The following PLCG2 variants were observed in gnomAD, a reference collection of about 807,000 sequenced individuals.
PLCG2 encodes the protein 1-phosphatidylinositol 4,5-bisphosphate phosphodiesterase gamma-2.
PLCG2 carries 69 observed loss-of-function variants against 175.6 expected under a neutral mutation model. The ratio of observed to expected loss-of-function variants is 0.39; its 90% CI spans 0.32 to 0.48. The LOEUF is 0.48. PLCG2 is among the 20% of genes least tolerant of loss of function. The pLI is 0.91. For missense variants in PLCG2, 1,798 were observed against 1,650.9 expected (o/e 1.09, Z -1.54); for synonymous variants, 827 against 624.0 (o/e 1.33, Z -4.85).
chr16:81,744,421 C>A (rs1019377767), intron 1 of PLCG2, among the ~76,000 whole-genome samples: 8 of 152,272 alleles, frequency 5.3e-5, no homozygotes, highest in South Asian at 2.1e-4. Context: ...CCTTGCCCTC[C>A]CAAAGTGTTG....
At chr16:81,778,525 C>G, upstream of PLCG2, among the ~76,000 whole-genome samples, 1 of 152,168 alleles carries the variant, frequency 6.6e-6, no homozygotes, top group East Asian at 1.9e-4. Context: ...ATGCAACACA[C>G]GAACGGAAAA....
chr16:81,897,548 CTTTT>C (rs10710027), intron 13 of PLCG2, among the ~76,000 whole-genome samples: 1 of 128,678 alleles, frequency 7.8e-6, no homozygotes, highest in Non-Finnish European at 1.6e-5. Context: ...CTTTTCTTTT[CTTTT>C]TTTTTTTTTT....
chr16:81,950,963 G>A (rs372901925), intron 31 of PLCG2, among the ~76,000 whole-genome samples: 2 of 152,232 alleles, frequency 1.3e-5, no homozygotes, highest in East Asian at 3.9e-4. Context: ...AGGATAAAAA[G>A]AATAAAACAT....
intron 2 of PLCG2, among the ~76,000 whole-genome samples, chr16:81,839,971 C>G (rs1323362584): frequency 1.3e-5 from 2 of 152,150 alleles, no homozygotes; most frequent in Non-Finnish European, 2.9e-5. Flanking sequence ...GCAGGAGGGT[C>G]CCTTGAGCCT....
intron 9 of PLCG2, among the ~76,000 whole-genome samples, chr16:81,883,890 G>C (rs1251687472): frequency 6.6e-6 from 1 of 152,200 alleles, no homozygotes; most frequent in Non-Finnish European, 1.5e-5. Context: ...TTGCGCCTTG[G>C]TTTTCCACTG....
At chr16:81,818,571 T>C (rs182657638) in intron 2 of PLCG2, among the ~76,000 whole-genome samples, 1 of 152,260 alleles carries the variant, frequency 6.6e-6, no homozygotes, top group African/African-American at 2.4e-5. Context: ...TCAGGAATTA[T>C]CTGCTTGGTG....
intron 22 of PLCG2, among the ~76,000 whole-genome samples, chr16:81,925,967 G>C (rs922222450): frequency 6.6e-6 from 1 of 152,132 alleles, no homozygotes; most frequent in African/African-American, 2.4e-5. Context: ...TATAAGATGT[G>C]GCTGCTTGGA....
At chr16:81,876,736 T>G (rs983789041) in intron 7 of PLCG2, among the ~76,000 whole-genome samples, 1 of 152,346 alleles carries the variant, frequency 6.6e-6, no homozygotes, top group Middle Eastern at 3.4e-3. Flanking sequence ...GGTCCTGGGA[T>G]GTTGCCCAGA....
chr16:81,923,475 T>C lies in PLCG2; in HGVS notation c.2308-10T>C. On this transcript the variant is annotated splice_polypyrimidine_tract_variant and intron_variant, in intron 21 of 32. Coordinates refer to ENST00000564138, the MANE Select transcript of PLCG2 (RefSeq NM_002661.5). ...TGGCCTGACCTTTTCCTTCTTGTTT[T>C]CCCTGAAAGCCTCAGAGAACCGTGA... 1 of 1,585,960 alleles carries C rather than the reference T, an allele frequency of 6.3e-7. No individual in the cohort carries two copies. Among genetic ancestry groups the C allele is most frequent in the Non-Finnish European group, 8.7e-7 (1 of 1,155,008 alleles).
At chr16:81,773,389 A>G (rs1910325397) in intron 2 of PLCG2, among the ~76,000 whole-genome samples, 1 of 152,198 alleles carries the variant, frequency 6.6e-6, no homozygotes, top group African/African-American at 2.4e-5. Context: ...TCCAGACATG[A>G]GAACGAGGGG....
chr16:81,767,476 C>T (rs969254055), intron 2 of PLCG2: 3 of 152,182 alleles, frequency 2.0e-5, no homozygotes, highest in African/African-American at 7.2e-5. Flanking sequence ...TTTTACTAGG[C>T]TCAGCTTAGG....
chr16:81,880,700 A>C (rs1908035611), intron 7 of PLCG2, among the ~76,000 whole-genome samples: 1 of 152,216 alleles, frequency 6.6e-6, no homozygotes, highest in African/African-American at 2.4e-5. Flanking sequence ...TGGGAATACG[A>C]CTGTGGAGGG....
chr16:81,913,662 A>G (rs1234488004), intron 19 of PLCG2, among the ~76,000 whole-genome samples: 2 of 152,208 alleles, frequency 1.3e-5, no homozygotes, highest in African/African-American at 2.4e-5. Context: ...CTTGTGAAAA[A>G]TGGGAGGCAG....
At chr16:81,903,604 C>T (rs951325116) in intron 14 of PLCG2, among the ~76,000 whole-genome samples, 9 of 152,292 alleles carry the variant, frequency 5.9e-5, no homozygotes, top group South Asian at 2.1e-4. Flanking sequence ...GCAGTTGTTT[C>T]GGAGATGCCA....
At chr16:81,919,812 C>T in intron 20 of PLCG2, 148 bp downstream of exon 20, 2 of 650,592 alleles carry the variant, frequency 3.1e-6, no homozygotes, top group South Asian at 4.0e-5. Context: ...ACAACAAAGA[C>T]CCTGCCGTTG....
rs367677388 is a variant in PLCG2 at position 81,919,577 on chromosome 16, C to T, written c.2148C>T (p.Leu716=). The change falls in exon 20 of 33, where the codon CTC becomes CTT. Residue 716 remains leucine, a synonymous_variant. Transcript: ENST00000564138. ...TSAYFESLVE[L]VSYYEKHSLY... ...CCTATTTTGAGAGTCTGGTGGAGCTCGTCAGTTACTACGAGAAGCATTCAC... is the reference window on the plus strand; with the variant it reads ...CCTATTTTGAGAGTCTGGTGGAGCTTGTCAGTTACTACGAGAAGCATTCAC... 669 of 1,614,038 alleles carry T rather than the reference C, an allele frequency of 4.1e-4. 6 individuals are homozygous for T. In the South Asian group the frequency reaches 5.3e-3, roughly 13 times the overall value.
At chr16:81,803,213 G>C (rs1911820474) in intron 2 of PLCG2, among the ~76,000 whole-genome samples, 1 of 150,514 alleles carries the variant, frequency 6.6e-6, no homozygotes, top group African/African-American at 2.4e-5. Flanking sequence ...CTGCCTCATG[G>C]GTTCATGCCA....
In PLCG2 at chr16:81,936,257, C is replaced by T. The variant is rs1016837424; in HGVS notation, c.2931C>T (p.Tyr977=). 7 of 1,614,158 alleles carry T rather than the reference C, an allele frequency of 4.3e-6. No homozygotes were observed. Among genetic ancestry groups the T allele is most frequent in the Non-Finnish European group, 5.9e-6 (7 of 1,180,020 alleles). Residue 977 remains tyrosine, a synonymous_variant, in exon 27 of 33, where the codon TAC becomes TAT. Transcript: ENST00000564138. ...IRQKPVDLLK[Y]NQKGLTRVYP... ...AGAAGCCCGTCGACCTCCTGAAGTA[C>T]AATCAAAAGGGCCTGACCCGCGTCT... is the stretch of plus-strand genomic sequence containing the variant.
At chr16:81,810,452 C>T (rs1904308314) in intron 2 of PLCG2, among the ~76,000 whole-genome samples, 1 of 152,184 alleles carries the variant, frequency 6.6e-6, no homozygotes, top group African/African-American at 2.4e-5. Flanking sequence ...TTGCAACCTG[C>T]AAACCAGTAG....
Sources: allele counts gnomAD v4.1 joint callset (sites outside exome capture counted in the v4.1 genomes callset), GRCh38; gene constraint gnomAD v4.1.1; transcripts MANE v1.5; gene names NCBI Gene and HGNC (gene_info 2026-07-23, HGNC 2026-07-21).